Variants in NRG3 observed in about 807,000 individuals in gnomAD.
NRG3 encodes pro-neuregulin-3, membrane-bound isoform.
In NRG3, 31 loss-of-function variants were observed where a neutral mutation model predicts 66.9. The ratio of observed to expected loss-of-function variants is 0.46; its 90% CI spans 0.35 to 0.63. The LOEUF is 0.63. Among genes scored for constraint, NRG3 ranks in the 20% least tolerant of loss-of-function variants. The pLI, the probability that NRG3 is intolerant of heterozygous loss-of-function variation, is 0.00. For synonymous variants in NRG3, 393 were observed against 359.4 expected (o/e 1.09, Z -1.06); for missense variants, 910 against 878.9 (o/e 1.04, Z -0.45).
At chr10:82,792,807 A>C (rs1359286579) in intron 3 of NRG3, among the ~76,000 whole-genome samples, 4 of 151,984 alleles carry the variant, frequency 2.6e-5, no homozygotes, top group East Asian at 3.9e-4. Context: ...CAGCCTCCTG[A>C]GTAGCTGGGA....
chr10:82,624,492 G>A (rs1043822929), intron 2 of NRG3, among the ~76,000 whole-genome samples: 1 of 152,002 alleles, frequency 6.6e-6, no homozygotes, highest in African/African-American at 2.4e-5. Flanking sequence ...TTAAGTCACA[G>A]TGGAATATCT....
chr10:82,812,699 G>C (rs879522867), intron 3 of NRG3, among the ~76,000 whole-genome samples: 2 of 152,136 alleles, frequency 1.3e-5, no homozygotes, highest in African/African-American at 2.4e-5. Context: ...AGTTATGAAT[G>C]AAACAAAACT....
intron 1 of NRG3, among the ~76,000 whole-genome samples, chr10:82,090,555 AT>A (rs2065967065): frequency 6.6e-6 from 1 of 152,230 alleles, no homozygotes; most frequent in African/African-American, 2.4e-5. Flanking sequence ...AGCACCAGTC[AT>A]TTCCGTTGGG....
At chr10:81,934,530 T>C (rs1369966576) in intron 1 of NRG3, among the ~76,000 whole-genome samples, 1 of 152,190 alleles carries the variant, frequency 6.6e-6, no homozygotes, top group African/African-American at 2.4e-5. Flanking sequence ...TTGGAGACAC[T>C]GTACTTTTGA....
chr10:82,666,861 G>C (rs537853358), intron 2 of NRG3, among the ~76,000 whole-genome samples: 1 of 152,136 alleles, frequency 6.6e-6, no homozygotes, highest in South Asian at 2.1e-4. Flanking sequence ...TTTTATACTT[G>C]GATATGGTAA....
In NRG3 at chr10:82,530,083, A is replaced by C. The variant is rs940975392; in HGVS notation, c.953+171215A>C. Among the ~76,000 whole-genome samples the C allele has an allele frequency of 3.0e-4, 45 of 152,272 alleles. 1 individual carries two copies. The highest frequency in any genetic ancestry group is 4.1e-4 in the South Asian group (2 of 4,832). On this transcript the variant is annotated intron_variant, in intron 2 of 8. Transcript: ENST00000372141. ...AAGTTTAGGGAGTTCATTCCAACGT[A>C]GGTAATGCATCTCATGGTAATTTCA...
intron 3 of NRG3, among the ~76,000 whole-genome samples, chr10:82,775,115 C>T (rs932077068): frequency 1.3e-5 from 2 of 151,754 alleles, no homozygotes; most frequent in Non-Finnish European, 2.9e-5. Context: ...TGTGAGCCAC[C>T]GTGCCCAGCC....
chr10:82,181,550 C>T (rs537812399), intron 1 of NRG3, among the ~76,000 whole-genome samples: 2 of 151,812 alleles, frequency 1.3e-5, no homozygotes, highest in South Asian at 4.1e-4. Context: ...GTTTAATTTT[C>T]AACTATTAGT....
intron 1 of NRG3, among the ~76,000 whole-genome samples, chr10:82,252,598 C>T (rs56160450): frequency 0.14 from 21,946 of 152,110 alleles, 1,746 homozygotes; most frequent in African/African-American, 0.2. Flanking sequence ...CCTAATGATA[C>T]TAATAAAATG....
chr10:82,742,450 G>T lies in NRG3; in HGVS notation c.1027+3800G>T, dbSNP rs929474061. ...ATTCAGGAACATATTTACCTATGAG[G>T]ATCAATCTTATAAAGTGTGTCAGTG... On this transcript the variant is annotated intron_variant, in intron 3 of 8. Coordinates refer to ENST00000372141, the MANE Select transcript of NRG3 (RefSeq NM_001010848.4). Among the ~76,000 whole-genome samples the T allele has an allele frequency of 2.4e-4, 36 of 151,954 alleles. 1 individual carries two copies. Among genetic ancestry groups the T allele is most frequent in the Admixed American group, 2.1e-3 (32 of 15,258 alleles).
At chr10:82,646,108 T>A (rs530273946) in intron 2 of NRG3, among the ~76,000 whole-genome samples, 1 of 152,200 alleles carries the variant, frequency 6.6e-6, no homozygotes, top group South Asian at 2.1e-4. Flanking sequence ...GGAACAAGTA[T>A]GTATTATTGG....
chr10:82,595,445 A>G (rs1321730496), intron 2 of NRG3, among the ~76,000 whole-genome samples: 1 of 152,172 alleles, frequency 6.6e-6, no homozygotes, highest in East Asian at 1.9e-4. Context: ...GTCCTTGAAG[A>G]TAGGATTACC....
chr10:82,153,772 A>G (rs939921712), intron 1 of NRG3, among the ~76,000 whole-genome samples: 7 of 152,010 alleles, frequency 4.6e-5, no homozygotes, highest in African/African-American at 1.4e-4. Context: ...GTATGAGGTA[A>G]TATCTCATGT....
At chr10:81,963,792 G>A (rs1428162188) in intron 1 of NRG3, among the ~76,000 whole-genome samples, 2 of 152,150 alleles carry the variant, frequency 1.3e-5, no homozygotes, top group Non-Finnish European at 2.9e-5. Context: ...GGAGTTACAT[G>A]CTTTGTTGCT....
At chr10:82,755,751 A>G (rs2059051683) in intron 3 of NRG3, among the ~76,000 whole-genome samples, 1 of 152,200 alleles carries the variant, frequency 6.6e-6, no homozygotes, top group Non-Finnish European at 1.5e-5. Flanking sequence ...CTTGCACAGG[A>G]AAAACTCTGA....
At chr10:82,550,677 G>C (rs955486672) in intron 2 of NRG3, among the ~76,000 whole-genome samples, 1 of 152,088 alleles carries the variant, frequency 6.6e-6, no homozygotes, top group Non-Finnish European at 1.5e-5. Flanking sequence ...ACATGGAATT[G>C]TGCAAGACCC....
At chr10:82,639,003 C>A (rs1369340783) in intron 2 of NRG3, among the ~76,000 whole-genome samples, 1 of 152,122 alleles carries the variant, frequency 6.6e-6, no homozygotes, top group Admixed American at 6.5e-5. Flanking sequence ...CTTTCAAAAT[C>A]TTCTGTTTGA....
chr10:82,714,401 A>T (rs1157827133), intron 2 of NRG3, among the ~76,000 whole-genome samples: 1 of 152,222 alleles, frequency 6.6e-6, no homozygotes, highest in Non-Finnish European at 1.5e-5. Context: ...GCTCTGTTTC[A>T]GCAACAAAGA....
At chr10:82,955,620 A>G (rs1006954316) in intron 5 of NRG3, among the ~76,000 whole-genome samples, 3 of 151,838 alleles carry the variant, frequency 2.0e-5, no homozygotes, top group Non-Finnish European at 4.4e-5. Context: ...CACAAATGGG[A>G]AAAAAGAGGA....
Sources: allele counts gnomAD v4.1 joint callset (sites outside exome capture counted in the v4.1 genomes callset), GRCh38; gene constraint gnomAD v4.1.1; transcripts MANE v1.5; gene names NCBI Gene and HGNC (gene_info 2026-07-23, HGNC 2026-07-21).